The following VAV2 variants were observed in gnomAD, a reference collection of about 807,000 sequenced individuals.
VAV2 encodes vav guanine nucleotide exchange factor 2.
In VAV2, 67 loss-of-function variants were observed where a neutral mutation model predicts 132.5. The observed-to-expected ratio is 0.51, with a 90% CI of 0.42 to 0.62. VAV2 has a LOEUF of 0.62. VAV2 is among the 20% of genes least tolerant of loss of function. VAV2 has a pLI of 0.00. For synonymous variants in VAV2, 492 were observed against 443.5 expected (o/e 1.11, Z -1.37); for missense variants, 938 against 1,153.6 (o/e 0.81, Z 2.71).
At chr9:133,774,632 C>T (rs909956548) in intron 25 of VAV2, among the ~76,000 whole-genome samples, 1 of 152,192 alleles carries the variant, frequency 6.6e-6, no homozygotes, top group Non-Finnish European at 1.5e-5. Flanking sequence ...ATCTCACCCA[C>T]CCACTTGTAC....
intron 4 of VAV2, among the ~76,000 whole-genome samples, chr9:133,821,377 G>T (rs778324523): frequency 3.0e-4 from 46 of 152,184 alleles, no homozygotes; most frequent in Non-Finnish European, 4.7e-4. Flanking sequence ...GGAAACTAGG[G>T]TTGTCTTTGT....
Position 133,769,441 on chromosome 9 carries a change from C to A in VAV2, c.2410G>T (p.Gly804Cys). The A allele has an allele frequency of 6.2e-7, 1 of 1,613,032 alleles. No individual in the cohort carries two copies. Among genetic ancestry groups the A allele is most frequent in the Non-Finnish European group, 8.5e-7 (1 of 1,179,544 alleles). Residue 804 changes from glycine (G) to cysteine (C), a missense_variant, in exon 28 of 30, where the codon GGC becomes TGC. Physicochemically the swap from Gly to Cys is radical, Grantham distance 159 (BLOSUM62 -3). Coordinates refer to ENST00000371850, the MANE Select transcript of VAV2 (RefSeq NM_001134398.2). The surrounding 1 kb of genome is among the most constrained non-coding windows in gnomAD (Gnocchi z 8.1). The stretch of plus-strand genomic sequence containing the variant: ...CCTGACCAGAAGGGAGCGGAGGGGC[C>A]CTGAGAAGCAAAGCTGAGGCCCTGA... ...SPQGLSFASQ[G>C]PSAPFWSVFT...
At position 133,926,605 on chromosome 9, in the gene VAV2, T is replaced by C. The variant is rs958631201; in HGVS notation, c.321+12498A>G. 6.6e-6 allele frequency among the ~76,000 whole-genome samples: 1 copy of C among 152,106 alleles called. No individual in the cohort carries two copies. Among genetic ancestry groups the C allele is most frequent in the Non-Finnish European group, 1.5e-5 (1 of 68,006 alleles). ...GCCACCGCCACCAGCCTCTGGACCT[T>C]TGCACATGCTGCCCCTGAGACCTCC... On this transcript the variant is annotated intron_variant, in intron 2 of 29. Transcript: ENST00000371850. The surrounding 1 kb of genome is among the most constrained non-coding windows in gnomAD (Gnocchi z 4.3).
At chr9:133,881,294 G>A (rs1049187895) in intron 2 of VAV2, among the ~76,000 whole-genome samples, 2 of 152,278 alleles carry the variant, frequency 1.3e-5, no homozygotes, top group Non-Finnish European at 2.9e-5. Flanking sequence ...GAGCGCAGAC[G>A]TGGGACAAGG....
In VAV2 at chr9:133,834,229, C is replaced by T; in HGVS notation, c.449+43G>A. 2 of 1,571,274 alleles carry T rather than the reference C, an allele frequency of 1.3e-6. No individual in the cohort carries two copies. Among genetic ancestry groups the T allele is most frequent in the Non-Finnish European group, 1.7e-6 (2 of 1,154,024 alleles). ...CTGGACACCACCAGGAACCTCCCTG[C>T]CCCTCCCTCCTCTCCATCCCTCCTC... On this transcript the variant is annotated intron_variant, in intron 4 of 29. Transcript: ENST00000371850. The surrounding 1 kb of genome is among the most constrained non-coding windows in gnomAD (Gnocchi z 5.9).
intron 3 of VAV2, among the ~76,000 whole-genome samples, chr9:133,839,737 C>A (rs760397037): frequency 6.6e-6 from 1 of 152,140 alleles, no homozygotes; most frequent in Non-Finnish European, 1.5e-5. Context: ...GCGTGAGCCA[C>A]CATGCCCAGC....
intron 1 of VAV2, among the ~76,000 whole-genome samples, chr9:133,941,609 G>GGGT (rs1491295904): frequency 1.0e-3 from 1 of 984 alleles, no homozygotes; most frequent in Admixed American, 7.5e-3. Context: ...ACTTTTTTTT[G>GGGT]GGGGGGGGGG....
chr9:133,970,539 T>C (rs1041194218), intron 1 of VAV2, among the ~76,000 whole-genome samples: 1 of 152,160 alleles, frequency 6.6e-6, no homozygotes, highest in Non-Finnish European at 1.5e-5. Context: ...CACAGCCCTG[T>C]GGTTGGTGTA....
In VAV2 at chr9:133,912,642, C is replaced by T. The variant is rs1839923958; in HGVS notation, c.321+26461G>A. On this transcript the variant is annotated intron_variant, in intron 2 of 29. Transcript: ENST00000371850. The surrounding 1 kb of genome is among the most constrained non-coding windows in gnomAD (Gnocchi z 4.3). ...ATTACACGTGTGATGCTCTTCTCCA[C>T]GTGTGCACAGCACTCCCGAGGCGCT... is the stretch of plus-strand genomic sequence containing the variant. Among the ~76,000 whole-genome samples the T allele has an allele frequency of 6.6e-6, 1 of 152,158 alleles. No individual in the cohort carries two copies. Among genetic ancestry groups the T allele is most frequent in the Admixed American group, 6.5e-5 (1 of 15,282 alleles).
At chr9:133,843,195 C>T (rs1362811452) in intron 3 of VAV2, among the ~76,000 whole-genome samples, 1 of 152,132 alleles carries the variant, frequency 6.6e-6, no homozygotes, top group African/African-American at 2.4e-5. Flanking sequence ...GCCTGACACA[C>T]CCAGCACGAA....
intron 1 of VAV2, among the ~76,000 whole-genome samples, chr9:133,988,140 T>C (rs1588233391): frequency 6.6e-6 from 1 of 152,086 alleles, no homozygotes; most frequent in East Asian, 1.9e-4. Context: ...GACGGCCTCA[T>C]ATGCCATGAC....
intron 1 of VAV2, among the ~76,000 whole-genome samples, chr9:133,981,555 G>A (rs1240757353): frequency 6.6e-6 from 1 of 152,256 alleles, no homozygotes; most frequent in East Asian, 1.9e-4. Flanking sequence ...GAGTCCTGAG[G>A]CTCAGTGGGC....
At chr9:133,806,264 T>C in intron 8 of VAV2, 83 bp from the exon 9 acceptor site, 8 of 1,358,194 alleles carry the variant, frequency 5.9e-6, no homozygotes, top group Non-Finnish European at 8.1e-6. Flanking sequence ...GCCCTTGTTG[T>C]TCTGTAGTTC....
intron 2 of VAV2, among the ~76,000 whole-genome samples, chr9:133,936,783 G>A (rs763412158): frequency 2.0e-5 from 3 of 152,060 alleles, no homozygotes; most frequent in Non-Finnish European, 2.9e-5. Context: ...CAAACCCGCC[G>A]TCTACTCCCA....
chr9:133,832,678 C>T (rs142031593), intron 4 of VAV2, among the ~76,000 whole-genome samples: 2,902 of 152,296 alleles, frequency 0.019, 34 homozygotes, highest in Middle Eastern at 0.031. Flanking sequence ...CCTGCCTCAG[C>T]CTCCCAAGTA....
rs139268593 is a variant in VAV2, at chr9:133,784,334, G to A, written c.1617C>T (p.Ala539=). The A allele has an allele frequency of 5.6e-6, 9 of 1,614,236 alleles. No homozygotes were observed. The African/African-American group carries it at 1.2e-4, about 22-fold the overall frequency. The change falls in exon 18 of 30, where the codon GCC becomes GCT. Residue 539 remains alanine, a synonymous_variant. Coordinates refer to ENST00000371850, the MANE Select transcript of VAV2 (RefSeq NM_001134398.2). Reference sequence around the variant, plus strand: ...TCCCACACCTGAGGAACATTTTGCAGGCTTTGCAGTTGGTGGTCTTGTCAA... The same window carrying A: ...TCCCACACCTGAGGAACATTTTGCAAGCTTTGCAGTTGGTGGTCTTGTCAA... ...YTFDKTTNCK[A]CKMFLRGTFY...
chr9:133,946,953 C>T (rs1841380945), intron 1 of VAV2, among the ~76,000 whole-genome samples: 1 of 152,130 alleles, frequency 6.6e-6, no homozygotes, highest in South Asian at 2.1e-4. Flanking sequence ...CAATGCCTAG[C>T]CCATCACACG....
rs1189914552 is a variant in VAV2, at chr9:133,912,649, A to G, written c.321+26454T>C. ...GTGTGATGCTCTTCTCCACGTGTGC[A>G]CAGCACTCCCGAGGCGCTCCCAAGC... On this transcript the variant is annotated intron_variant, in intron 2 of 29. Coordinates refer to ENST00000371850, the MANE Select transcript of VAV2 (RefSeq NM_001134398.2). The surrounding 1 kb of genome is among the most constrained non-coding windows in gnomAD (Gnocchi z 4.3). Among the ~76,000 whole-genome samples, 2 of 152,166 alleles carry G rather than the reference A, an allele frequency of 1.3e-5. No individual in the cohort carries two copies. The highest frequency in any genetic ancestry group is 4.8e-5 in the African/African-American group (2 of 41,448).
At chr9:133,801,269 A>G (rs2131647836) in intron 9 of VAV2, among the ~76,000 whole-genome samples, 1 of 152,344 alleles carries the variant, frequency 6.6e-6, no homozygotes, top group East Asian at 1.9e-4. Context: ...AGAGCCTGAA[A>G]GGGCCCTGGC....
Sources: gnomAD v4.1 joint callset for allele counts (sites outside exome capture counted in the v4.1 genomes callset) on GRCh38, gnomAD v4.1.1 for gene constraint, Gnocchi (gnomAD v3.1) non-coding constraint, MANE v1.5 for transcripts, NCBI Gene and HGNC (gene_info 2026-07-23, HGNC 2026-07-21) for gene names.